The following FCHO2 variants were observed in gnomAD, a reference collection of about 807,000 sequenced individuals.
The protein encoded by FCHO2 is FCH and mu domain containing endocytic adaptor 2, also known as F-BAR domain only protein 2.
A neutral mutation model predicts 114.1 loss-of-function variants in FCHO2; 43 were observed. The observed-to-expected ratio is 0.38, with a 90% CI of 0.30 to 0.49. The LOEUF is 0.49. Ranked by LOEUF, FCHO2 falls within the 20% of genes least tolerant of loss-of-function variation. The probability of loss-of-function intolerance (pLI) is 0.97; values close to 1 mark genes in which losing one functional copy is unlikely to be tolerated. For missense variants in FCHO2, 807 were observed against 950.4 expected (o/e 0.85, Z 1.98); for synonymous variants, 293 against 315.2 (o/e 0.93, Z 0.75).
At chr5:72,962,431 T>G (rs558362299) in intron 1 of FCHO2, among the ~76,000 whole-genome samples, 1 of 152,330 alleles carries the variant, frequency 6.6e-6, no homozygotes, top group African/African-American at 2.4e-5. Context: ...AAAGTAGTTT[T>G]TTGAGTCACT....
At chr5:72,966,517 T>C (rs1752211845) in intron 1 of FCHO2, among the ~76,000 whole-genome samples, 1 of 152,220 alleles carries the variant, frequency 6.6e-6, no homozygotes, top group South Asian at 2.1e-4. Context: ...CACAAGAGGC[T>C]GTGGTTTTAT....
At chr5:72,991,820 T>C (rs576850059) in intron 5 of FCHO2, among the ~76,000 whole-genome samples, 3 of 152,340 alleles carry the variant, frequency 2.0e-5, no homozygotes, top group African/African-American at 7.2e-5. Context: ...TGTATTTATA[T>C]ACTTTTACAT....
intron 17 of FCHO2, among the ~76,000 whole-genome samples, chr5:73,061,345 T>C (rs1757844278): frequency 6.6e-6 from 1 of 152,158 alleles, no homozygotes; most frequent in Admixed American, 6.6e-5. Context: ...GAACTTATGC[T>C]CTTCTTCCGT....
At chr5:73,018,659 T>C (rs1755445530) in intron 8 of FCHO2, among the ~76,000 whole-genome samples, 1 of 152,126 alleles carries the variant, frequency 6.6e-6, no homozygotes, top group South Asian at 2.1e-4. Flanking sequence ...ACTTTAGATA[T>C]GCAAATCAAG....
chr5:73,089,709 G>A lies in FCHO2; in HGVS notation c.*1619G>A, dbSNP rs1423402107. The A allele has an allele frequency of 6.6e-6, 1 of 152,332 alleles. No homozygotes were observed. The allele number at this position is 152,332 out of a possible 1,614,324, so 9.4% of individuals were successfully genotyped here. On this transcript the variant is annotated 3_prime_UTR_variant, in exon 26 of 26. Transcript: ENST00000430046. ...TTTATATAAAACCACTAATTGTTCC[G>A]TTAAGCTTCACAGAAAATAAAACCT...
intron 6 of FCHO2, among the ~76,000 whole-genome samples, 200 bp from the exon 7 acceptor site, chr5:73,015,426 C>T (rs1755257039): frequency 6.6e-6 from 1 of 151,966 alleles, no homozygotes; most frequent in Admixed American, 6.6e-5. Flanking sequence ...CCATGCCTGG[C>T]TAATTTTTGT....
At chr5:72,984,388 G>C (rs752801172) in intron 2 of FCHO2, among the ~76,000 whole-genome samples, 10 of 152,018 alleles carry the variant, frequency 6.6e-5, no homozygotes, top group Non-Finnish European at 1.3e-4. Context: ...AAAGTTTGTT[G>C]GCTTCATAAA....
chr5:73,071,678 CTATT>C (rs1430940126), intron 19 of FCHO2, among the ~76,000 whole-genome samples: 1 of 151,974 alleles, frequency 6.6e-6, no homozygotes, highest in African/African-American at 2.4e-5. Context: ...TTTTAAAAGA[CTATT>C]TAAGTACATA....
At chr5:72,986,197 G>A (rs1206462562) in intron 2 of FCHO2, among the ~76,000 whole-genome samples, 1 of 151,730 alleles carries the variant, frequency 6.6e-6, no homozygotes, top group African/African-American at 2.4e-5. Context: ...CATCCAAGGA[G>A]ATATTAATTT....
At chr5:72,979,939 A>G (rs902331031) in intron 2 of FCHO2, among the ~76,000 whole-genome samples, 1 of 151,436 alleles carries the variant, frequency 6.6e-6, no homozygotes, top group Non-Finnish European at 1.5e-5. Context: ...TCATGTCTCT[A>G]TCTCCTTCAG....
At chr5:73,031,272 C>T (rs971307076) in intron 8 of FCHO2, among the ~76,000 whole-genome samples, 4 of 152,190 alleles carry the variant, frequency 2.6e-5, no homozygotes, top group African/African-American at 9.6e-5. Context: ...GCACACACCC[C>T]TTCATTATCA....
intron 1 of FCHO2, among the ~76,000 whole-genome samples, chr5:72,962,513 T>G (rs1315608380): frequency 6.6e-6 from 1 of 152,142 alleles, no homozygotes; most frequent in African/African-American, 2.4e-5. Flanking sequence ...CCTTAGAAAT[T>G]CAAATGGAAA....
At chr5:73,086,825 C>G (rs1743328452) in intron 24 of FCHO2, among the ~76,000 whole-genome samples, 2 of 152,150 alleles carry the variant, frequency 1.3e-5, no homozygotes, top group African/African-American at 4.8e-5. Context: ...TACCTGTATC[C>G]TGTTCTCCTG....
chr5:72,962,139 A>T (rs1751909976), intron 1 of FCHO2, among the ~76,000 whole-genome samples: 1 of 152,162 alleles, frequency 6.6e-6, no homozygotes, highest in African/African-American at 2.4e-5. Flanking sequence ...GAATTTTTTA[A>T]GGGGTGTGAT....
At chr5:73,055,995 G>A (rs1757575903) in intron 15 of FCHO2, 70 bp from the exon 16 acceptor site, 2 of 1,087,600 alleles carry the variant, frequency 1.8e-6, no homozygotes, top group African/African-American at 1.6e-5. Context: ...TGTGTATAGA[G>A]TTTCTGTTTT....
At chr5:73,035,315 A>G (rs1756444115) in intron 9 of FCHO2, among the ~76,000 whole-genome samples, 1 of 152,104 alleles carries the variant, frequency 6.6e-6, no homozygotes, top group Non-Finnish European at 1.5e-5. Context: ...GCTACTGGGA[A>G]GGCTGAGGTA....
rs1742487926 is a variant in FCHO2 at position 73,068,738 on chromosome 5, C to T, written c.1538C>T (p.Ser513Leu). 5 of 1,612,248 alleles carry T rather than the reference C, an allele frequency of 3.1e-6. No homozygotes were observed. The highest frequency in any genetic ancestry group is 1.3e-5 in the African/African-American group (1 of 74,806). Reference protein sequence around the residue: ...LARAESSSSISSSASLSAANT... With the variant: ...LARAESSSSILSSASLSAANT... The stretch of plus-strand genomic sequence containing the variant: ...CGGGCAGAAAGTTCTTCTTCTATCT[C>T]ATCATCTGCTTCATTGAGTGCTGCC... The change falls in exon 19 of 26, where the codon TCA becomes TTA. Residue 513 changes from serine to leucine, a missense_variant. By Grantham distance (145) the Ser-to-Leu change is moderately radical (BLOSUM62 -2). Coordinates refer to ENST00000430046, the MANE Select transcript of FCHO2 (RefSeq NM_138782.3).
At chr5:73,021,177 G>A in intron 8 of FCHO2, 3 of 772,234 alleles carry the variant, frequency 3.9e-6, no homozygotes, top group Admixed American at 3.4e-5. Flanking sequence ...GTCCAGGCTG[G>A]TGAACCGGCT....
chr5:73,045,414 G>GT (rs1757008300), intron 11 of FCHO2, among the ~76,000 whole-genome samples: 1 of 152,182 alleles, frequency 6.6e-6, no homozygotes, highest in Admixed American at 6.5e-5. Context: ...ATGTATCCAG[G>GT]TTGTGGTACA....
Sources: allele counts gnomAD v4.1 joint callset (sites outside exome capture counted in the v4.1 genomes callset), GRCh38; gene constraint gnomAD v4.1.1; transcripts MANE v1.5; gene names NCBI Gene and HGNC (gene_info 2026-07-23, HGNC 2026-07-21).